Variants in ZFHX3 observed in about 807,000 individuals in gnomAD.
ZFHX3 encodes the protein zinc finger homeobox 3.
ZFHX3 carries 42 observed loss-of-function variants against 279.1 expected under a neutral mutation model. The observed-to-expected ratio is 0.15, with a 90% confidence interval of 0.12 to 0.19. ZFHX3 has a LOEUF of 0.19. ZFHX3 is among the 10% of genes least tolerant of loss of function. The pLI, the probability that ZFHX3 is intolerant of heterozygous loss-of-function variation, is 1.00. For missense variants in ZFHX3, 4,981 were observed against 4,754.0 expected (o/e 1.05, Z -1.40); for synonymous variants, 2,293 against 1,957.8 (o/e 1.17, Z -4.52).
rs533092778 is a variant in ZFHX3, at chr16:72,993,090, C to T, written c.-49-32896G>A. Among the ~76,000 whole-genome samples the T allele has an allele frequency of 5.3e-5, 8 of 152,314 alleles. No homozygotes were observed. The East Asian group carries it at 1.5e-3, about 29-fold the overall frequency. On this transcript the variant is annotated intron_variant, in intron 1 of 9. Coordinates refer to ENST00000268489, the MANE Select transcript of ZFHX3 (RefSeq NM_006885.4). ...GGTGGAGGCTGTGGTGAGCCGAGAT[C>T]GCACCACTGCACCCCAGCCTGGGTG...
chr16:73,602,551 C>A (rs1384554969), intron 2 of ZFHX3, among the ~76,000 whole-genome samples: 3 of 152,160 alleles, frequency 2.0e-5, no homozygotes, highest in Non-Finnish European at 4.4e-5. Context: ...ACTGTGTGCA[C>A]GTATTTAAAT....
chr16:73,075,205 TAGAG>T (rs1011320144), intron 8 of ZFHX3, among the ~76,000 whole-genome samples: 9 of 152,032 alleles, frequency 5.9e-5, no homozygotes, highest in Non-Finnish European at 5.9e-5. Flanking sequence ...TCACAGTGCT[TAGAG>T]AGGCTGAGGC....
In ZFHX3 at chr16:73,417,862, G is replaced by A. The variant is rs1056442347; in HGVS notation, c.-1291+38141C>T. On this transcript the variant is annotated intron_variant, in intron 3 of 17. Coordinates refer to the ZFHX3 transcript ENST00000641206. ...AAATTAGCCGGGCATGGTGGCAGGC[G>A]CCTGTAGTCCCAGCTCCTCGGGAGG... 1.1e-4 allele frequency among the ~76,000 whole-genome samples: 17 copies of A among 150,940 alleles called. No homozygotes were observed. The South Asian group carries it at 2.3e-3, about 21-fold the overall frequency.
chr16:73,600,839 C>A (rs2052106681), intron 2 of ZFHX3, among the ~76,000 whole-genome samples: 1 of 152,046 alleles, frequency 6.6e-6, no homozygotes, highest in Non-Finnish European at 1.5e-5. Flanking sequence ...GGCACATACC[C>A]AAATCTGGTT....
intron 5 of ZFHX3, among the ~76,000 whole-genome samples, chr16:73,207,196 C>T (rs2011842007): frequency 6.6e-6 from 1 of 152,122 alleles, no homozygotes. Flanking sequence ...CAAGAACATT[C>T]ATGAAACTTA....
chr16:72,965,412 A>G (rs1961790336), intron 1 of ZFHX3, among the ~76,000 whole-genome samples: 1 of 152,192 alleles, frequency 6.6e-6, no homozygotes, highest in Non-Finnish European at 1.5e-5. Flanking sequence ...TTAGGCAGAC[A>G]AGAGAGGATA....
At chr16:73,565,206 A>G (rs1567520376) in intron 2 of ZFHX3, among the ~76,000 whole-genome samples, 1 of 152,020 alleles carries the variant, frequency 6.6e-6, no homozygotes, top group Non-Finnish European at 1.5e-5. Flanking sequence ...GTGAGCCGAG[A>G]TAGTGCCATT....
At position 72,796,987 on chromosome 16, in the gene ZFHX3, C is replaced by T. The variant is rs377177671; in HGVS notation, c.5695G>A (p.Gly1899Arg). Residue 1899 changes from glycine (G) to arginine (R), a missense_variant, in exon 9 of 10, where the codon GGA (glycine) becomes AGA (arginine). Around this residue, in one of 7 missense-constraint regions of ZFHX3, gnomAD observed 1,751 missense variants for 1,770.0 expected, o/e 0.99. Transcript: ENST00000268489. ...SQRERDSAEGGEGNTGPKETL... is the reference protein window; with the variant it reads ...SQRERDSAEGREGNTGPKETL... ...TCCTTCGGACCGGTGTTGCCCTCTCCCCCCTCGGCGCTGTCCCTCTCTCTC... is the reference window on the plus strand; with the variant it reads ...TCCTTCGGACCGGTGTTGCCCTCTCTCCCCTCGGCGCTGTCCCTCTCTCTC... 25 of 1,613,850 alleles carry T rather than the reference C, an allele frequency of 1.5e-5. No individual in the cohort carries two copies. In the African/African-American group the frequency reaches 3.1e-4, roughly 20 times the overall value.
chr16:73,136,021 C>G (rs534698738), intron 6 of ZFHX3, among the ~76,000 whole-genome samples: 1 of 152,236 alleles, frequency 6.6e-6, no homozygotes, highest in South Asian at 2.1e-4. Context: ...CCATGCCCAG[C>G]TAATTTTTGT....
At chr16:73,323,747 C>T (rs1033467994) in intron 3 of ZFHX3, among the ~76,000 whole-genome samples, 10 of 152,202 alleles carry the variant, frequency 6.6e-5, no homozygotes, top group African/African-American at 2.4e-4. Flanking sequence ...AGGATCACTT[C>T]CAGCCTCTAA....
intron 5 of ZFHX3, among the ~76,000 whole-genome samples, chr16:73,179,122 C>T (rs1442792918): frequency 6.6e-6 from 1 of 152,164 alleles, no homozygotes; most frequent in African/African-American, 2.4e-5. Flanking sequence ...TATATTCTCA[C>T]CAAATTTATG....
intron 2 of ZFHX3, among the ~76,000 whole-genome samples, chr16:73,484,156 A>C (rs1399620306): frequency 6.6e-6 from 1 of 152,028 alleles, no homozygotes; most frequent in Non-Finnish European, 1.5e-5. Context: ...TCCCGCCCAG[A>C]GTCCTAGGTG....
intron 3 of ZFHX3, among the ~76,000 whole-genome samples, chr16:73,429,250 A>G (rs2017867468): frequency 6.6e-6 from 1 of 152,212 alleles, no homozygotes; most frequent in African/African-American, 2.4e-5. Context: ...TGAAGCCGAT[A>G]GAGTCCAGCC....
At chr16:73,722,561 T>C (rs2053483818) in intron 1 of ZFHX3, among the ~76,000 whole-genome samples, 1 of 152,194 alleles carries the variant, frequency 6.6e-6, no homozygotes, top group South Asian at 2.1e-4. Context: ...CTCTATGAAA[T>C]ACACTGGCAT....
chr16:73,652,276 T>C lies in ZFHX3; in HGVS notation c.-1547+27904A>G, dbSNP rs369290290. On this transcript the variant is annotated intron_variant, in intron 2 of 17. Transcript: ENST00000641206. ...CACTCGTACCAAGGAGAGAACACTT[T>C]GGCTTTTTTATAAGCTTGCCCAGTT... is the stretch of plus-strand genomic sequence containing the variant. 6.6e-5 allele frequency among the ~76,000 whole-genome samples: 10 copies of C among 152,302 alleles called. No individual in the cohort carries two copies. In the East Asian group the frequency reaches 1.5e-3, roughly 24 times the overall value.
intron 3 of ZFHX3, among the ~76,000 whole-genome samples, chr16:73,348,590 C>T (rs563791180): frequency 5.6e-4 from 86 of 152,242 alleles, no homozygotes; most frequent in Non-Finnish European, 9.3e-4. Flanking sequence ...GACTTTGAGA[C>T]TCTGGCGTTC....
intron 5 of ZFHX3, among the ~76,000 whole-genome samples, chr16:73,209,502 A>G (rs971345787): frequency 7.2e-5 from 11 of 152,152 alleles, no homozygotes; most frequent in African/African-American, 2.4e-4. Context: ...CTCACATGGT[A>G]GAAGAGCAAA....
chr16:72,981,521 C>A (rs541828293), intron 1 of ZFHX3, among the ~76,000 whole-genome samples: 5 of 152,174 alleles, frequency 3.3e-5, no homozygotes, highest in Admixed American at 6.5e-5. Context: ...ATTGTTTTTG[C>A]GCACACTGTC....
chr16:72,957,764 C>T lies in ZFHX3; in HGVS notation c.2382G>A (p.Ser794=), dbSNP rs143678779. ...ANISSSCGAP[S]PTKPKTKPTW... The stretch of plus-strand genomic sequence containing the variant: ...TGGGTTTGGTTTTTGGTTTGGTCGG[C>T]GAGGGGGCCCCGCAGGAGCTACTGA... The change falls in exon 2 of 10, where the codon TCG becomes TCA. Residue 794 remains serine, a synonymous_variant. Transcript: ENST00000268489. 4.2e-4 allele frequency: 680 copies of T among 1,614,056 alleles called. 3 individuals carry two copies. The highest frequency in any genetic ancestry group is 4.1e-3 in the Middle Eastern group (25 of 6,062).
Sources: gnomAD v4.1 joint callset for allele counts (sites outside exome capture counted in the v4.1 genomes callset) on GRCh38, gnomAD v4.1.1 for gene constraint, gnomAD v4.1.1 regional missense constraint, MANE v1.5 for transcripts, NCBI Gene and HGNC (gene_info 2026-07-23, HGNC 2026-07-21) for gene names.